Variants in KCNK1 observed in about 807,000 individuals in gnomAD.
The protein encoded by KCNK1 is potassium two pore domain channel subfamily K member 1, also known as potassium channel subfamily K member 1.
Under a neutral mutation model 22.2 loss-of-function variants are expected in KCNK1, and 10 were observed. The ratio of observed to expected loss-of-function variants is 0.45; its 90% CI spans 0.28 to 0.76. The LOEUF (loss-of-function observed/expected upper bound fraction) is 0.76. Among genes scored for constraint, KCNK1 ranks in the 30% least tolerant of loss-of-function variants. The pLI, the probability that KCNK1 is intolerant of heterozygous loss-of-function variation, is 0.14. For missense variants in KCNK1, 378 were observed against 421.0 expected (o/e 0.90, Z 0.89); for synonymous variants, 200 against 186.4 (o/e 1.07, Z -0.60).
At chr1:233,618,029 C>G (rs1657514398) in intron 1 of KCNK1, among the ~76,000 whole-genome samples, 1 of 152,190 alleles carries the variant, frequency 6.6e-6, no homozygotes, top group South Asian at 2.1e-4. Context: ...CTTGGAATCT[C>G]TGTGTCTTCA....
chr1:233,615,499 T>C (rs745771466), intron 1 of KCNK1, among the ~76,000 whole-genome samples: 1 of 152,222 alleles, frequency 6.6e-6, no homozygotes, highest in Non-Finnish European at 1.5e-5. Flanking sequence ...ATTTGGACAG[T>C]GGGAGGAATC....
At chr1:233,639,410 A>G (rs1465623405) in intron 1 of KCNK1, among the ~76,000 whole-genome samples, 1 of 152,244 alleles carries the variant, frequency 6.6e-6, no homozygotes, top group Non-Finnish European at 1.5e-5. Context: ...TATCAGAACC[A>G]AAGTGTATTC....
intron 2 of KCNK1, among the ~76,000 whole-genome samples, chr1:233,668,669 G>A (rs373496084): frequency 1.1e-4 from 16 of 151,900 alleles, no homozygotes; most frequent in South Asian, 8.3e-4. Context: ...GCAATGGCAC[G>A]ATCTCAGCTC....
At chr1:233,658,384 C>G (rs1658337403) in intron 1 of KCNK1, among the ~76,000 whole-genome samples, 1 of 152,064 alleles carries the variant, frequency 6.6e-6, no homozygotes, top group Non-Finnish European at 1.5e-5. Flanking sequence ...AAATTGCTTA[C>G]TTTAAAATTA....
chr1:233,661,432 A>G (rs1039587495), intron 1 of KCNK1, among the ~76,000 whole-genome samples: 1 of 152,234 alleles, frequency 6.6e-6, no homozygotes, highest in Admixed American at 6.5e-5. Context: ...GAAACGATTC[A>G]TGAATGAGTA....
intron 1 of KCNK1, among the ~76,000 whole-genome samples, chr1:233,660,226 A>G (rs1658368111): frequency 6.6e-6 from 1 of 152,234 alleles, no homozygotes; most frequent in African/African-American, 2.4e-5. Flanking sequence ...TCTTTAGAAT[A>G]TAACTCATTC....
intron 1 of KCNK1, among the ~76,000 whole-genome samples, chr1:233,642,450 G>A (rs1238984772): frequency 6.6e-6 from 1 of 152,172 alleles, no homozygotes; most frequent in East Asian, 1.9e-4. Context: ...GGCCCTGAGG[G>A]GCTTGAAGAC....
intron 1 of KCNK1, among the ~76,000 whole-genome samples, chr1:233,619,118 G>C (rs991907750): frequency 3.3e-5 from 5 of 152,010 alleles, no homozygotes; most frequent in Admixed American, 3.3e-4. Flanking sequence ...CCTGGGCTTA[G>C]TTGATCCTCC....
Position 233,614,155 on chromosome 1 carries a change from C to CTTT in KCNK1, c.-17_-16insTTT. 2.5e-6 allele frequency: 4 copies of CTTT among 1,569,126 alleles called. No individual in the cohort carries two copies. Among genetic ancestry groups the CTTT allele is most frequent in the African/African-American group, 1.3e-5 (1 of 74,308 alleles). ...GGCCGGTCTGCGGCGTTGGCCTTGG[C>CTTT]GGCGGCGGTGGAGAAGATGCTGCAG... On this transcript the variant is annotated 5_prime_UTR_variant, in exon 1 of 3. Coordinates refer to ENST00000366621, the MANE Select transcript of KCNK1 (RefSeq NM_002245.4).
chr1:233,666,543 T>A, intron 1 of KCNK1, 52 bp from the exon 2 acceptor site: 11 of 1,530,022 alleles, frequency 7.2e-6, no homozygotes, highest in Non-Finnish European at 9.7e-6. Flanking sequence ...TAAAAACGTG[T>A]TTGCCACTTT....
intron 1 of KCNK1, among the ~76,000 whole-genome samples, chr1:233,641,043 G>T (rs1243629143): frequency 6.6e-6 from 1 of 152,170 alleles, no homozygotes; most frequent in East Asian, 1.9e-4. Context: ...ATGCCCGAGG[G>T]TGTCGGTCTA....
chr1:233,646,275 A>T lies in KCNK1; in HGVS notation c.356-20320A>T, dbSNP rs183989759. ...TGGAGTCTCTTGAAGAGCTTTCCAA[A>T]AAAGATACCCATACTTGTGCTCCAT... On this transcript the variant is annotated intron_variant, in intron 1 of 2. Transcript: ENST00000366621. 1.8e-3 allele frequency among the ~76,000 whole-genome samples: 276 copies of T among 152,256 alleles called. 1 individual carries two copies. Among genetic ancestry groups the T allele is most frequent in the African/African-American group, 5.1e-3 (211 of 41,548 alleles).
In KCNK1 at chr1:233,614,108, A is replaced by AGGGGGCGGCGGGGCC; in HGVS notation, c.-64_-63insGGGGGCGGCGGGGCC. 1 of 1,208,202 alleles carries AGGGGGCGGCGGGGCC rather than the reference A, an allele frequency of 8.3e-7. No homozygotes were observed. Among genetic ancestry groups the AGGGGGCGGCGGGGCC allele is most frequent in the East Asian group, 3.3e-5 (1 of 30,694 alleles). 74.8% of individuals were successfully genotyped at this position (1,208,202 alleles called of 1,614,324 possible). A position where few individuals can be genotyped will look rare whatever the true frequency, so the allele number is the denominator to read the frequency against. On this transcript the variant is annotated 5_prime_UTR_variant, in exon 1 of 3. Transcript: ENST00000366621. ...GCGGGGGCGGGGGCGGCGGGGCCAGAAGAGGCGGCGGGCCGCGCTCCGGCC... is the reference window on the plus strand; with the variant it reads ...GCGGGGGCGGGGGCGGCGGGGCCAGAGGGGGCGGCGGGGCCAGAGGCGGCGGGCCGCGCTCCGGCC...
At chr1:233,641,446 A>G (rs1177347634) in intron 1 of KCNK1, among the ~76,000 whole-genome samples, 2 of 152,232 alleles carry the variant, frequency 1.3e-5, no homozygotes, top group African/African-American at 2.4e-5. Context: ...AATACAAGTG[A>G]TGTACAATTA....
intron 1 of KCNK1, among the ~76,000 whole-genome samples, chr1:233,664,134 G>A (rs189570564): frequency 2.5e-3 from 375 of 152,160 alleles, no homozygotes; most frequent in Non-Finnish European, 4.6e-3. Context: ...CCGGCCTTCA[G>A]TTGGCTTTTT....
At position 233,662,238 on chromosome 1, in the gene KCNK1, C is replaced by CCTTCTTCTTCTT. The variant is rs147341553; in HGVS notation, c.356-4333_356-4322dup. Reference sequence around the variant, plus strand: ...TGCTGCTGCTGCTTCTTCTTCTTCTCCTTCTTCTTCTTCTTCTTCTTCTTC... The same window carrying CCTTCTTCTTCTT: ...TGCTGCTGCTGCTTCTTCTTCTTCTCCTTCTTCTTCTTCTTCTTCTTCTTCTTCTTCTTCTTC... On this transcript the variant is annotated intron_variant, in intron 1 of 2. Coordinates refer to ENST00000366621, the MANE Select transcript of KCNK1 (RefSeq NM_002245.4). Among the ~76,000 whole-genome samples, 358 of 149,566 alleles carry CCTTCTTCTTCTT rather than the reference C, an allele frequency of 2.4e-3. 3 individuals carry two copies. The highest frequency in any genetic ancestry group is 8.5e-3 in the African/African-American group (345 of 40,548).
At chr1:233,638,716 A>G (rs896192772) in intron 1 of KCNK1, among the ~76,000 whole-genome samples, 4 of 152,248 alleles carry the variant, frequency 2.6e-5, no homozygotes, top group African/African-American at 7.2e-5. Flanking sequence ...GACACACAGC[A>G]TGTGATGAGC....
chr1:233,669,727 C>T (rs528916295), intron 2 of KCNK1, among the ~76,000 whole-genome samples: 4 of 152,076 alleles, frequency 2.6e-5, no homozygotes, highest in African/African-American at 9.6e-5. Context: ...ACCTGGGAGG[C>T]GGAGGTTGCA....
chr1:233,637,452 CAA>C (rs1657920868), intron 1 of KCNK1: 1 of 152,174 alleles, frequency 6.6e-6, no homozygotes, highest in Non-Finnish European at 1.5e-5. Context: ...AAATTAGAAA[CAA>C]AGGACTTTTA....
Sources: gnomAD v4.1 joint callset for allele counts (sites outside exome capture counted in the v4.1 genomes callset) on GRCh38, gnomAD v4.1.1 for gene constraint, MANE v1.5 for transcripts, NCBI Gene and HGNC (gene_info 2026-07-23, HGNC 2026-07-21) for gene names.